Variants in ALDH1L2 observed in about 807,000 individuals in gnomAD.
ALDH1L2 encodes the protein mitochondrial 10-formyltetrahydrofolate dehydrogenase.
Under a neutral mutation model 111.0 loss-of-function variants are expected in ALDH1L2, and 91 were observed. The ratio of observed to expected loss-of-function variants is 0.82; its 90% CI spans 0.69 to 0.98. The LOEUF is 0.98. Among genes scored for constraint, ALDH1L2 ranks in the 50% least tolerant of loss-of-function variants. The probability of loss-of-function intolerance (pLI) is 0.00; values close to 1 mark genes in which losing one functional copy is unlikely to be tolerated. For missense variants in ALDH1L2, 995 were observed against 1,126.8 expected (o/e 0.88, Z 1.67); for synonymous variants, 374 against 392.6 (o/e 0.95, Z 0.56).
chr12:105,063,487 A>AAAAG (rs576460420), intron 6 of ALDH1L2, among the ~76,000 whole-genome samples: 10 of 151,908 alleles, frequency 6.6e-5, no homozygotes, highest in Admixed American at 5.9e-4. Flanking sequence ...AAGAAAAAAA[A>AAAAG]AAAGAAAGAA....
At chr12:105,059,593 G>A (rs181291775) in intron 9 of ALDH1L2, among the ~76,000 whole-genome samples, 120 of 152,246 alleles carry the variant, frequency 7.9e-4, no homozygotes, top group South Asian at 1.9e-3. Context: ...TTGAGGAGCC[G>A]AAACTCTTGA....
rs1326482944 is a variant in ALDH1L2, at chr12:105,025,540, A to G, written c.2716+1005T>C. ...CAGGCATGAAAACCAGATTAAAGACATGGAAAAGTTGGGGGGGAAGCCCTT... is the reference window on the plus strand; with the variant it reads ...CAGGCATGAAAACCAGATTAAAGACGTGGAAAAGTTGGGGGGGAAGCCCTT... On this transcript the variant is annotated intron_variant, in intron 22 of 22. Transcript: ENST00000258494. Among the ~76,000 whole-genome samples the G allele has an allele frequency of 2.0e-5, 3 of 152,168 alleles. No homozygotes were observed. In the South Asian group the frequency reaches 6.2e-4, roughly 32 times the overall value.
intron 12 of ALDH1L2, chr12:105,050,749 G>A (rs943559860): frequency 4.0e-5 from 18 of 445,126 alleles, no homozygotes; most frequent in Non-Finnish European, 7.2e-5. Context: ...ATTTATAAAG[G>A]AAAGAGGCAA....
intron 11 of ALDH1L2, among the ~76,000 whole-genome samples, chr12:105,052,598 TATC>T (rs1208002110): frequency 1.3e-5 from 2 of 152,218 alleles, no homozygotes; most frequent in Non-Finnish European, 2.9e-5. Flanking sequence ...TGTCTAAATT[TATC>T]ATAAATGTTC....
Position 105,030,310 on chromosome 12 carries a change from T to A in ALDH1L2, c.2516+14A>T. On this transcript the variant is annotated intron_variant, in intron 21 of 22. Transcript: ENST00000258494. ...TAGTCAAAACCTAAGTTACATTGTG[T>A]CTGAAGAACCTACCCATTTTGGAAT... The A allele has an allele frequency of 6.2e-7, 1 of 1,603,100 alleles. No individual in the cohort carries two copies. Among genetic ancestry groups the A allele is most frequent in the Non-Finnish European group, 8.5e-7 (1 of 1,174,056 alleles).
At chr12:105,062,561 T>C (rs79776400) in intron 7 of ALDH1L2, among the ~76,000 whole-genome samples, 1 of 152,260 alleles carries the variant, frequency 6.6e-6, no homozygotes, top group African/African-American at 2.4e-5. Flanking sequence ...GAATCTGGCA[T>C]TGGGAAGGCA....
chr12:105,024,457 A>G lies in ALDH1L2; in HGVS notation c.2739T>C (p.Tyr913=). ...CCAGTGTCACCGTCTTGGTTTTGAG[A>G]TATTCATTTAGAGCTTCCTCACCTA... ...KDLGEEALNE[Y]LKTKTVTLEY The change falls in exon 23 of 23, where the codon TAT becomes TAC. Residue 913 remains tyrosine, a synonymous_variant. Transcript: ENST00000258494. 2 of 1,614,022 alleles carry G rather than the reference A, an allele frequency of 1.2e-6. No individual in the cohort carries two copies. Among genetic ancestry groups the G allele is most frequent in the South Asian group, 1.1e-5 (1 of 91,064 alleles).
intron 10 of ALDH1L2, among the ~76,000 whole-genome samples, chr12:105,056,414 T>C (rs1302626667): frequency 1.3e-5 from 2 of 152,082 alleles, no homozygotes; most frequent in African/African-American, 2.4e-5. Flanking sequence ...AGAAGAATCC[T>C]TCAAGTTGAA....
chr12:105,052,210 C>T lies in ALDH1L2; in HGVS notation c.1415G>A (p.Cys472Tyr). 1 of 1,600,786 alleles carries T rather than the reference C, an allele frequency of 6.2e-7. No individual in the cohort carries two copies. Among genetic ancestry groups the T allele is most frequent in the Non-Finnish European group, 8.5e-7 (1 of 1,175,234 alleles). The change falls in exon 12 of 23, where the codon TGC becomes TAC. Residue 472 changes from cysteine to tyrosine, a missense_variant. By Grantham distance (194) the Cys-to-Tyr change is radical. Transcript: ENST00000258494. ...TINPTDGSTICKVSYASLADV... is the reference protein window; with the variant it reads ...TINPTDGSTIYKVSYASLADV... ...CGCCAAAGAAGCGTAGGATACTTTG[C>T]ATATTGTCTATTTCAAGGTAAGTAA...
chr12:105,057,932 AT>A, intron 10 of ALDH1L2, 140 bp downstream of exon 10: 1 of 1,029,512 alleles, frequency 9.7e-7, no homozygotes, highest in Middle Eastern at 3.0e-4. Flanking sequence ...GGGGAATTTT[AT>A]GCCATCTGAA....
intron 5 of ALDH1L2, among the ~76,000 whole-genome samples, chr12:105,065,840 A>G (rs1005861080): frequency 6.6e-6 from 1 of 152,030 alleles, no homozygotes; most frequent in Non-Finnish European, 1.5e-5. Context: ...GGTGTTGGAT[A>G]TGAATATTAC....
Position 105,022,976 on chromosome 12 carries a change from CAT to C in ALDH1L2, c.*1446_*1447del, listed in dbSNP as rs922685445. ...ACTTTCTGGCTATCTTTTGGAGACT[CAT>C]GTGATTCAGAAATTTGCCGCCTTCT... On this transcript the variant is annotated 3_prime_UTR_variant, in exon 23 of 23. Transcript: ENST00000258494. The C allele has an allele frequency of 1.3e-5, 2 of 152,272 alleles. No individual in the cohort carries two copies. Among genetic ancestry groups the C allele is most frequent in the Admixed American group, 6.5e-5 (1 of 15,284 alleles). 9.4% of individuals were successfully genotyped at this position (152,272 alleles called of 1,614,324 possible).
intron 17 of ALDH1L2, among the ~76,000 whole-genome samples, chr12:105,039,090 A>G (rs927575935): frequency 6.6e-6 from 1 of 152,190 alleles, no homozygotes; most frequent in African/African-American, 2.4e-5. Flanking sequence ...TACCATTTTG[A>G]TATACTACCT....
chr12:105,050,548 G>A lies in ALDH1L2; in HGVS notation c.1536-490C>T, dbSNP rs141182790. The A allele has an allele frequency of 1.1e-4, 39 of 363,076 alleles. No individual in the cohort carries two copies. The East Asian group carries it at 2.2e-3, about 21-fold the overall frequency. 22.5% of individuals were successfully genotyped at this position (363,076 alleles called of 1,614,324 possible). A position where few individuals can be genotyped will look rare whatever the true frequency, so the allele number is the denominator to read the frequency against. ...CAGGACTGTATAATGACTATGATAC[G>A]GTAAGACTCATCTTTTGTGTTCAAC... is the stretch of plus-strand genomic sequence containing the variant. On this transcript the variant is annotated intron_variant, in intron 12 of 22. Transcript: ENST00000258494.
chr12:105,068,631 A>T, intron 4 of ALDH1L2, 88 bp downstream of exon 4: 1 of 1,233,672 alleles, frequency 8.1e-7, no homozygotes, highest in South Asian at 3.1e-5. Flanking sequence ...TTTTGGTGAA[A>T]ATTCATATGG....
intron 12 of ALDH1L2, among the ~76,000 whole-genome samples, chr12:105,051,525 T>A (rs766630599): frequency 2.0e-5 from 3 of 152,204 alleles, no homozygotes; most frequent in Non-Finnish European, 4.4e-5. Flanking sequence ...TGCCTGGATG[T>A]TTCAGTATCC....
At position 105,077,525 on chromosome 12, in the gene ALDH1L2, C is replaced by G. The variant is rs551494011; in HGVS notation, c.49-3520G>C. Among the ~76,000 whole-genome samples the G allele has an allele frequency of 2.6e-5, 4 of 151,988 alleles. No individual in the cohort carries two copies. In the South Asian group the frequency reaches 6.2e-4, roughly 24 times the overall value. ...AATTCCCGAGCTCAGGCACTCCACCCGCCTTGGCATCCCAAAGTGCTAGGA... is the reference window on the plus strand; with the variant it reads ...AATTCCCGAGCTCAGGCACTCCACCGGCCTTGGCATCCCAAAGTGCTAGGA... On this transcript the variant is annotated intron_variant, in intron 1 of 22. Transcript: ENST00000258494.
At chr12:105,042,807 A>G (rs1448522075) in intron 15 of ALDH1L2, among the ~76,000 whole-genome samples, 2 of 152,146 alleles carry the variant, frequency 1.3e-5, no homozygotes, top group Non-Finnish European at 2.9e-5. Context: ...TCTTTCTCAC[A>G]TAAAAAGTGG....
intron 6 of ALDH1L2, among the ~76,000 whole-genome samples, chr12:105,064,815 A>G (rs1189976716): frequency 6.6e-6 from 1 of 152,092 alleles, no homozygotes; most frequent in African/African-American, 2.4e-5. Context: ...AGCTCTCCCC[A>G]TGCCTGTCCT....
Sources: gnomAD v4.1 joint callset for allele counts (sites outside exome capture counted in the v4.1 genomes callset) on GRCh38, gnomAD v4.1.1 for gene constraint, MANE v1.5 for transcripts, NCBI Gene and HGNC (gene_info 2026-07-23, HGNC 2026-07-21) for gene names.